The following ITFG1 variants were observed in gnomAD, a reference collection of about 807,000 sequenced individuals.
ITFG1 encodes T-cell immunomodulatory protein.
A neutral mutation model predicts 81.8 loss-of-function variants in ITFG1; 34 were observed. The ratio of observed to expected loss-of-function variants is 0.42; its 90% CI spans 0.32 to 0.55. The LOEUF (loss-of-function observed/expected upper bound fraction) is 0.55, where lower values mean the gene tolerates loss of function less well. Among genes scored for constraint, ITFG1 ranks in the 20% least tolerant of loss-of-function variants. The pLI, the probability that ITFG1 is intolerant of heterozygous loss-of-function variation, is 0.17. For synonymous variants in ITFG1, 285 were observed against 270.6 expected, an observed-to-expected ratio of 1.05 and a Z score of -0.52; for missense variants, 672 against 755.4, an observed-to-expected ratio of 0.89 and a Z score of 1.29.
chr16:47,198,966 A>T (rs1965390242), intron 14 of ITFG1, among the ~76,000 whole-genome samples: 1 of 152,200 alleles, frequency 6.6e-6, no homozygotes, highest in African/African-American at 2.4e-5. Context: ...TTGAAGAAAA[A>T]TATTTTTTAA....
At chr16:47,161,614 G>A (rs1964806514) in intron 16 of ITFG1, 136 bp downstream of exon 16, 1 of 539,552 alleles carries the variant, frequency 1.9e-6, no homozygotes, top group Admixed American at 2.7e-5. Flanking sequence ...GTCATTTAAA[G>A]TTTGCCGTAA....
intron 14 of ITFG1, among the ~76,000 whole-genome samples, chr16:47,185,485 ACTGAACAACCTGCTC>A (rs1328682111): frequency 2.0e-5 from 3 of 152,216 alleles, no homozygotes; most frequent in Non-Finnish European, 4.4e-5. Flanking sequence ...CTACATGGAA[ACTGAACAACCTGCTC>A]CTGAATGACT....
intron 7 of ITFG1, among the ~76,000 whole-genome samples, chr16:47,374,645 T>A (rs917903995): frequency 6.6e-6 from 1 of 152,188 alleles, no homozygotes; most frequent in Non-Finnish European, 1.5e-5. Flanking sequence ...ACGGCAGTCA[T>A]AAAAATATAG....
intron 12 of ITFG1, among the ~76,000 whole-genome samples, chr16:47,257,119 A>C (rs1966147510): frequency 6.6e-6 from 1 of 152,232 alleles, no homozygotes; most frequent in African/African-American, 2.4e-5. Context: ...CACTCTCACC[A>C]CTTATTCAAT....
chr16:47,450,504 C>A, intron 5 of ITFG1: 3 of 335,882 alleles, frequency 8.9e-6, no homozygotes, highest in South Asian at 2.3e-5. Flanking sequence ...CTTCAGAATA[C>A]CTTAAAAATT....
intron 8 of ITFG1, among the ~76,000 whole-genome samples, chr16:47,363,684 C>A (rs2151586159): frequency 1.3e-5 from 2 of 152,286 alleles, no homozygotes; most frequent in Admixed American, 1.3e-4. Context: ...TTGACTACTA[C>A]TTCTCTATAA....
intron 14 of ITFG1, among the ~76,000 whole-genome samples, chr16:47,187,757 C>G (rs911376888): frequency 2.6e-5 from 4 of 151,964 alleles, no homozygotes; most frequent in African/African-American, 9.7e-5. Flanking sequence ...CCAAAATTGA[C>G]AAATGGGATC....
At chr16:47,413,145 C>CA (rs576177369) in intron 6 of ITFG1, among the ~76,000 whole-genome samples, 2 of 152,324 alleles carry the variant, frequency 1.3e-5, no homozygotes, top group African/African-American at 4.8e-5. Flanking sequence ...GAAACCCCAT[C>CA]AAGCTAGCAG....
intron 10 of ITFG1, among the ~76,000 whole-genome samples, chr16:47,307,290 A>C (rs183539065): frequency 6.6e-6 from 1 of 152,038 alleles, no homozygotes; most frequent in Non-Finnish European, 1.5e-5. Flanking sequence ...TTAAAACTTT[A>C]ATTAAAAATT....
At chr16:47,291,992 T>C (rs758014267) in intron 10 of ITFG1, among the ~76,000 whole-genome samples, 3 of 152,078 alleles carry the variant, frequency 2.0e-5, no homozygotes, top group South Asian at 2.1e-4. Flanking sequence ...AGATATGATA[T>C]GGCATTCATG....
intron 12 of ITFG1, among the ~76,000 whole-genome samples, chr16:47,241,046 A>G (rs1965927400): frequency 6.6e-6 from 1 of 151,328 alleles, no homozygotes; most frequent in African/African-American, 2.5e-5. Flanking sequence ...TTTTACCACA[A>G]TTTAAATCAT....
At chr16:47,284,194 C>T (rs964076198) in intron 10 of ITFG1, among the ~76,000 whole-genome samples, 1 of 152,020 alleles carries the variant, frequency 6.6e-6, no homozygotes, top group East Asian at 1.9e-4. Context: ...ATACCAAAAG[C>T]CATTAGATTG....
intron 10 of ITFG1, among the ~76,000 whole-genome samples, chr16:47,281,740 ATTGT>A (rs1425813979): frequency 6.6e-6 from 1 of 151,904 alleles, no homozygotes; most frequent in Non-Finnish European, 1.5e-5. Flanking sequence ...CATTTTTGTT[ATTGT>A]TTAAAAACTA....
At chr16:47,278,936 G>A (rs1966425110) in intron 10 of ITFG1, among the ~76,000 whole-genome samples, 1 of 152,040 alleles carries the variant, frequency 6.6e-6, no homozygotes, top group African/African-American at 2.4e-5. Flanking sequence ...TGCATTCAAA[G>A]TTTAACATTC....
chr16:47,304,248 A>G (rs1967123738), intron 10 of ITFG1, among the ~76,000 whole-genome samples: 1 of 152,172 alleles, frequency 6.6e-6, no homozygotes, highest in Admixed American at 6.5e-5. Context: ...TAGCTTAATT[A>G]CAGGTTTCTT....
intron 10 of ITFG1, among the ~76,000 whole-genome samples, chr16:47,297,461 T>A (rs1476733530): frequency 6.6e-6 from 1 of 152,180 alleles, no homozygotes; most frequent in East Asian, 1.9e-4. Flanking sequence ...TTTATGGTGG[T>A]AAGTACTAAC....
intron 8 of ITFG1, among the ~76,000 whole-genome samples, chr16:47,327,685 C>G (rs1490043401): frequency 6.6e-6 from 1 of 152,190 alleles, no homozygotes; most frequent in African/African-American, 2.4e-5. Context: ...AGACACTTCT[C>G]AAAAGAAGAC....
intron 12 of ITFG1, among the ~76,000 whole-genome samples, chr16:47,252,554 A>G (rs1966089067): frequency 6.6e-6 from 1 of 152,208 alleles, no homozygotes; most frequent in African/African-American, 2.4e-5. Flanking sequence ...ACAATAAAAG[A>G]TGAGAGCTAG....
At chr16:47,357,720 T>C (rs1403612442) in intron 8 of ITFG1, among the ~76,000 whole-genome samples, 2 of 151,956 alleles carry the variant, frequency 1.3e-5, no homozygotes, top group East Asian at 3.8e-4. Flanking sequence ...TAGAAAGGCA[T>C]GAATTTATTA....
Sources: allele counts gnomAD v4.1 joint callset (sites outside exome capture counted in the v4.1 genomes callset), GRCh38; gene constraint gnomAD v4.1.1; transcripts MANE v1.5; gene names NCBI Gene and HGNC (gene_info 2026-07-23, HGNC 2026-07-21).